Variants in DYNC2H1 observed in about 807,000 individuals in gnomAD.
DYNC2H1 encodes the protein dynein cytoplasmic 2 heavy chain 1, also known as cytoplasmic dynein 2 heavy chain 1.
A neutral mutation model predicts 570.0 loss-of-function variants in DYNC2H1; 410 were observed. That is an observed-to-expected ratio of 0.72 (90% CI 0.66 to 0.78). The LOEUF is 0.78. Among genes scored for constraint, DYNC2H1 ranks in the 30% least tolerant of loss-of-function variants. DYNC2H1 has a pLI of 0.00. For synonymous variants in DYNC2H1, 1,688 were observed against 1,677.6 expected, an observed-to-expected ratio of 1.01 and a Z score of -0.15; for missense variants, 4,865 against 5,046.4, an observed-to-expected ratio of 0.96 and a Z score of 1.09.
At chr11:103,132,516 A>AT (rs772619324) in intron 13 of DYNC2H1, among the ~76,000 whole-genome samples, 8 of 151,708 alleles carry the variant, frequency 5.3e-5, no homozygotes, top group South Asian at 2.1e-4. Flanking sequence ...TCAAGTTGTG[A>AT]TTTTTTTTAG....
rs1441479734 is a variant in DYNC2H1 at position 103,293,310 on chromosome 11, T to C, written c.11095+5705T>C. Among the ~76,000 whole-genome samples the C allele has an allele frequency of 4.6e-5, 7 of 152,286 alleles. No homozygotes were observed. In the East Asian group the frequency reaches 1.3e-3, roughly 29 times the overall value. On this transcript the variant is annotated intron_variant, in intron 75 of 88. Coordinates refer to ENST00000375735, the MANE Select transcript of DYNC2H1 (RefSeq NM_001377.3). ...GCCAGACATACGGAGCTTCTTTATA[T>C]GTTATTTGCTTCTTTTGTCTTGCTG...
chr11:103,115,070 G>A, intron 3 of DYNC2H1, 107 bp from the exon 4 acceptor site: 1 of 681,258 alleles, frequency 1.5e-6, no homozygotes, highest in East Asian at 2.9e-5. Flanking sequence ...CCTCAGCTAG[G>A]AGCATATGTG....
intron 70 of DYNC2H1, among the ~76,000 whole-genome samples, chr11:103,265,028 A>G (rs1025650465): frequency 6.6e-6 from 1 of 152,214 alleles, no homozygotes; most frequent in Non-Finnish European, 1.5e-5. Flanking sequence ...AAGTCTCAGG[A>G]TACAAAAAAA....
At chr11:103,351,569 G>A (rs1220824465) in intron 82 of DYNC2H1, among the ~76,000 whole-genome samples, 2 of 152,072 alleles carry the variant, frequency 1.3e-5, no homozygotes, top group Non-Finnish European at 2.9e-5. Context: ...TATTGTCCGT[G>A]TTTCCTCTAA....
At chr11:103,449,662 T>C (rs1591773479) in intron 85 of DYNC2H1, among the ~76,000 whole-genome samples, 1 of 90,254 alleles carries the variant, frequency 1.1e-5, no homozygotes, top group Middle Eastern at 4.7e-3. Flanking sequence ...TTAGAAATTA[T>C]TCATTTTCAT....
chr11:103,140,939 G>T (rs191393870), intron 17 of DYNC2H1, among the ~76,000 whole-genome samples: 3 of 151,694 alleles, frequency 2.0e-5, no homozygotes, highest in African/African-American at 7.3e-5. Flanking sequence ...TTCCCTTCTC[G>T]GTTCATTTCA....
chr11:103,451,593 A>G (rs1057190088), intron 85 of DYNC2H1, among the ~76,000 whole-genome samples: 9 of 152,044 alleles, frequency 5.9e-5, no homozygotes, highest in African/African-American at 2.2e-4. Flanking sequence ...AGCTTCCCAA[A>G]GTGCTGGGAT....
intron 40 of DYNC2H1, among the ~76,000 whole-genome samples, chr11:103,183,938 T>C (rs775050189): frequency 3.3e-5 from 5 of 152,012 alleles, no homozygotes; most frequent in Non-Finnish European, 5.9e-5. Flanking sequence ...TTCCTTACCA[T>C]GTCTGATAAA....
rs1447663656 is a variant in DYNC2H1, at chr11:103,193,437, T to A, written c.7708+1173T>A. Among the ~76,000 whole-genome samples the A allele has an allele frequency of 2.6e-5, 4 of 152,188 alleles. No homozygotes were observed. The South Asian group carries it at 6.2e-4, about 24-fold the overall frequency. On this transcript the variant is annotated intron_variant, in intron 47 of 88. Coordinates refer to ENST00000375735, the MANE Select transcript of DYNC2H1 (RefSeq NM_001377.3). ...TGGGTGTCTGAATCCTCTGAAGAGT[T>A]TGGTATCTTTCACAGTCTCCTGTCT...
intron 30 of DYNC2H1, among the ~76,000 whole-genome samples, chr11:103,165,082 C>T (rs1301681157): frequency 1.3e-5 from 2 of 152,134 alleles, no homozygotes; most frequent in Non-Finnish European, 2.9e-5. Context: ...AAATGAGTTA[C>T]TAGTTGGCTT....
At chr11:103,444,633 G>C (rs1944368822) in intron 85 of DYNC2H1, among the ~76,000 whole-genome samples, 1 of 152,204 alleles carries the variant, frequency 6.6e-6, no homozygotes, top group Non-Finnish European at 1.5e-5. Context: ...AAGGGGGCTA[G>C]AGACAAGTGG....
chr11:103,262,988 G>A (rs1865363483), intron 70 of DYNC2H1, among the ~76,000 whole-genome samples: 1 of 134,700 alleles, frequency 7.4e-6, no homozygotes, highest in Admixed American at 7.8e-5. Context: ...CCAAAATAAA[G>A]GGATGGAGGA....
chr11:103,154,028 A>T (rs1395544676), intron 22 of DYNC2H1, among the ~76,000 whole-genome samples: 1 of 151,934 alleles, frequency 6.6e-6, no homozygotes, highest in Non-Finnish European at 1.5e-5. Flanking sequence ...ATGGCATTAT[A>T]CTGATTAGAT....
At position 103,177,933 on chromosome 11, in the gene DYNC2H1, A is replaced by G; in HGVS notation, c.6139+113A>G. On this transcript the variant is annotated intron_variant, in intron 38 of 88. Transcript: ENST00000375735. The surrounding 1 kb of genome is among the most constrained non-coding windows in gnomAD (Gnocchi z 4.4). ...TCTACATGACCATAAAGTCATAATT[A>G]AGTTAAAATGATGTACATTTGATAT... The G allele has an allele frequency of 1.6e-6, 2 of 1,217,072 alleles. No individual in the cohort carries two copies. The highest frequency in any genetic ancestry group is 2.2e-6 in the Non-Finnish European group (2 of 908,084). The allele number at this position is 1,217,072 out of a possible 1,614,324, so 75.4% of individuals were successfully genotyped here.
chr11:103,360,187 G>GA (rs1225874037), intron 83 of DYNC2H1, among the ~76,000 whole-genome samples: 1 of 151,816 alleles, frequency 6.6e-6, no homozygotes, highest in East Asian at 1.9e-4. Flanking sequence ...ACTATTTTAG[G>GA]GGAAATCATA....
rs1223859787 is a variant in DYNC2H1, at chr11:103,198,012, A to G, written c.7788A>G (p.Gly2596=). ...CAGGACAACCATTACCTCCACATGG[A>G]AAACCACTTGGAAAACTAAACTCTA... is the stretch of plus-strand genomic sequence containing the variant. ...AAPGQPLPPH[G]KPLGKLNSTD... is the part of the protein sequence containing the mutation. The change falls in exon 48 of 89, where the codon GGA becomes GGG. Residue 2596 remains glycine (G), a synonymous_variant. Coordinates refer to ENST00000375735, the MANE Select transcript of DYNC2H1 (RefSeq NM_001377.3). The G allele has an allele frequency of 1.3e-6, 2 of 1,556,496 alleles. No homozygotes were observed. The highest frequency in any genetic ancestry group is 1.7e-6 in the Non-Finnish European group (2 of 1,149,290).
rs1354900547 is a variant in DYNC2H1, at chr11:103,135,760, C to T, written c.2386C>T (p.Arg796Trp). ...LQFRPPFEEI[R>W]AKYYREMKRF... The stretch of plus-strand genomic sequence containing the variant: ...ATTCAGGCCCCCTTTTGAAGAAATC[C>T]GGGCTAAATATTATAGAGAAATGAA... Residue 796 changes from arginine (R) to tryptophan (W), a missense_variant, in exon 17 of 89, where the codon CGG (arginine) becomes TGG (tryptophan). Coordinates refer to ENST00000375735, the MANE Select transcript of DYNC2H1 (RefSeq NM_001377.3). 3.7e-6 allele frequency: 6 copies of T among 1,610,878 alleles called. No individual in the cohort carries two copies. The highest frequency in any genetic ancestry group is 4.2e-6 in the Non-Finnish European group (5 of 1,178,352).
chr11:103,240,736 C>T (rs117367805), intron 63 of DYNC2H1, among the ~76,000 whole-genome samples: 2,592 of 152,246 alleles, frequency 0.017, 35 homozygotes, highest in Non-Finnish European at 0.026. Context: ...TCCAGTACCA[C>T]TTCCTTTACT....
At chr11:103,251,399 GT>G (rs144145640) in intron 65 of DYNC2H1, among the ~76,000 whole-genome samples, 26,754 of 151,814 alleles carry the variant, frequency 0.18, 2,995 homozygotes, top group African/African-American at 0.32. Context: ...TTTTTGTTGG[GT>G]TTTTTAAAAA....
Sources: gnomAD v4.1 joint callset for allele counts (sites outside exome capture counted in the v4.1 genomes callset) on GRCh38, gnomAD v4.1.1 for gene constraint, Gnocchi (gnomAD v3.1) non-coding constraint, MANE v1.5 for transcripts, NCBI Gene and HGNC (gene_info 2026-07-23, HGNC 2026-07-21) for gene names.